ILRUN: variants seen among roughly 807,000 people sequenced by gnomAD.
The protein encoded by ILRUN is inflammation and lipid regulator with UBA-like and NBR1-like domains, also known as protein ILRUN.
ILRUN carries 3 observed loss-of-function variants against 33.8 expected under a neutral mutation model. That is an observed-to-expected ratio of 0.09 (90% CI 0.04 to 0.23). ILRUN has a LOEUF of 0.23. Ranked by LOEUF, ILRUN falls within the 10% of genes least tolerant of loss-of-function variation. The pLI is 1.00. For missense variants in ILRUN, 210 were observed against 375.1 expected (o/e 0.56, Z 3.64); for synonymous variants, 124 against 138.9 (o/e 0.89, Z 0.75).
At chr6:34,595,748 T>C (rs1761386872) in intron 4 of ILRUN, 1 of 985,194 alleles carries the variant, frequency 1.0e-6, no homozygotes, top group Non-Finnish European at 1.2e-6. Flanking sequence ...TGTGATTTGA[T>C]TTAAATAAAT....
intron 1 of ILRUN, among the ~76,000 whole-genome samples, chr6:34,690,681 T>C (rs1346842946): frequency 1.3e-5 from 2 of 152,142 alleles, no homozygotes; most frequent in Non-Finnish European, 1.5e-5. Context: ...GTAATTTCAA[T>C]TAATAGAAGC....
chr6:34,640,231 C>T (rs940047880), intron 3 of ILRUN, among the ~76,000 whole-genome samples: 2 of 151,464 alleles, frequency 1.3e-5, no homozygotes, highest in Non-Finnish European at 2.9e-5. Context: ...TGTAATATGC[C>T]CCACACAGTG....
At chr6:34,676,451 T>C (rs868532046) in intron 1 of ILRUN, among the ~76,000 whole-genome samples, 6 of 151,456 alleles carry the variant, frequency 4.0e-5, no homozygotes, top group Non-Finnish European at 7.4e-5. Flanking sequence ...GCTAGATAGA[T>C]AGATATAGCT....
intron 1 of ILRUN, among the ~76,000 whole-genome samples, chr6:34,669,174 A>T (rs975409510): frequency 6.6e-6 from 1 of 151,568 alleles, no homozygotes; most frequent in Non-Finnish European, 1.5e-5. Flanking sequence ...CCCAGGCTGG[A>T]AGGCAGTGGC....
At chr6:34,682,268 T>TC (rs1449803678) in intron 1 of ILRUN, among the ~76,000 whole-genome samples, 1 of 140,246 alleles carries the variant, frequency 7.1e-6, no homozygotes, top group Non-Finnish European at 1.5e-5. Context: ...TTTTTTTTTT[T>TC]TTTTTTTTTG....
chr6:34,634,334 A>G (rs1383315748), intron 3 of ILRUN, among the ~76,000 whole-genome samples: 1 of 152,170 alleles, frequency 6.6e-6, no homozygotes, highest in African/African-American at 2.4e-5. Context: ...GTGGGATTCA[A>G]CTAAAAGCAA....
At chr6:34,678,367 T>C (rs1763284130) in intron 1 of ILRUN, among the ~76,000 whole-genome samples, 1 of 152,128 alleles carries the variant, frequency 6.6e-6, no homozygotes, top group Admixed American at 6.6e-5. Flanking sequence ...TTTCAACTTT[T>C]ATTTTAGGTT....
intron 3 of ILRUN, among the ~76,000 whole-genome samples, chr6:34,640,352 C>T (rs769629922): frequency 6.6e-5 from 10 of 151,896 alleles, no homozygotes; most frequent in Non-Finnish European, 1.2e-4. Flanking sequence ...CTGTAACTGA[C>T]TGAATACAGC....
chr6:34,620,830 A>G (rs539177903), intron 3 of ILRUN, among the ~76,000 whole-genome samples: 2 of 152,380 alleles, frequency 1.3e-5, no homozygotes, highest in East Asian at 3.8e-4. Context: ...CCCTGTCTCA[A>G]AAATAATAAT....
chr6:34,677,947 CAA>C (rs200840957), intron 1 of ILRUN, among the ~76,000 whole-genome samples: 56 of 74,332 alleles, frequency 7.5e-4, no homozygotes, highest in African/African-American at 2.0e-3. Context: ...ATCCTGCCTC[CAA>C]AAAAAAAAAA....
intron 1 of ILRUN, among the ~76,000 whole-genome samples, chr6:34,687,564 G>A (rs1255031109): frequency 6.6e-6 from 1 of 151,674 alleles, no homozygotes; most frequent in Non-Finnish European, 1.5e-5. Flanking sequence ...AGGGCGTGGT[G>A]GCACACAGCT....
Position 34,587,834 on chromosome 6 carries a change from A to G in ILRUN, c.*2731T>C. Reference sequence around the variant, plus strand: ...CACACCTCACTCCATGCACACTGACAGATTCTTCCCAAGTCTGAACCCCTC... The same window carrying G: ...CACACCTCACTCCATGCACACTGACGGATTCTTCCCAAGTCTGAACCCCTC... On this transcript the variant is annotated 3_prime_UTR_variant, in exon 5 of 5. Transcript: ENST00000374023. 2.6e-6 allele frequency: 1 copy of G among 388,392 alleles called. No individual in the cohort carries two copies. Among genetic ancestry groups the G allele is most frequent in the Non-Finnish European group, 4.5e-6 (1 of 219,858 alleles). 24.1% of individuals were successfully genotyped at this position (388,392 alleles called of 1,614,324 possible). A position where few individuals can be genotyped will look rare whatever the true frequency, so the allele number is the denominator to read the frequency against.
intron 1 of ILRUN, among the ~76,000 whole-genome samples, chr6:34,667,268 G>A (rs963223069): frequency 6.6e-6 from 1 of 151,844 alleles, no homozygotes; most frequent in Non-Finnish European, 1.5e-5. Context: ...CCCCTTTTTT[G>A]GATCCTGTAT....
At chr6:34,663,812 C>A (rs1477626972) in intron 1 of ILRUN, among the ~76,000 whole-genome samples, 1 of 152,150 alleles carries the variant, frequency 6.6e-6, no homozygotes, top group African/African-American at 2.4e-5. Flanking sequence ...AATAATGTCC[C>A]GGTCCCTGGA....
At position 34,637,552 on chromosome 6, in the gene ILRUN, TCTATACA is replaced by T. The variant is rs1377356594; in HGVS notation, c.511+9042_511+9048del. 9.8e-5 allele frequency among the ~76,000 whole-genome samples: 15 copies of T among 152,310 alleles called. No individual in the cohort carries two copies. In the East Asian group the frequency reaches 2.9e-3, roughly 29 times the overall value. The stretch of plus-strand genomic sequence containing the variant: ...ATTTTTGCCCTCTACCAAATCCTTT[TCTATACA>T]TGTGTATGGTAAGTTGAGGAGTAAG... On this transcript the variant is annotated intron_variant, in intron 3 of 4. Transcript: ENST00000374023.
chr6:34,654,855 G>C, intron 1 of ILRUN, 76 bp from the exon 2 acceptor site: 1 of 1,405,286 alleles, frequency 7.1e-7, no homozygotes, highest in Non-Finnish European at 9.5e-7. Context: ...AAAGGAAAAA[G>C]CCTGTTTCTT....
At chr6:34,606,499 G>T (rs1761633555) in intron 4 of ILRUN, 56 bp downstream of exon 4, 4 of 1,408,456 alleles carry the variant, frequency 2.8e-6, no homozygotes, top group Admixed American at 1.9e-5. Flanking sequence ...CCATGAAGGG[G>T]TATCACAAGT....
chr6:34,613,837 T>G (rs577844185), intron 3 of ILRUN, among the ~76,000 whole-genome samples: 1 of 152,312 alleles, frequency 6.6e-6, no homozygotes, highest in South Asian at 2.1e-4. Flanking sequence ...CCAGTAGCAA[T>G]GAACATACCC....
intron 4 of ILRUN, among the ~76,000 whole-genome samples, chr6:34,601,213 A>C (rs1009343845): frequency 1.3e-5 from 2 of 152,200 alleles, no homozygotes; most frequent in African/African-American, 4.8e-5. Flanking sequence ...ACAAAAATTA[A>C]ATTTAAAAAA....
Sources: allele counts gnomAD v4.1 joint callset (sites outside exome capture counted in the v4.1 genomes callset), GRCh38; gene constraint gnomAD v4.1.1; transcripts MANE v1.5; gene names NCBI Gene and HGNC (gene_info 2026-07-23, HGNC 2026-07-21).